Variants in GRIN2B observed in about 807,000 individuals in gnomAD.
The protein encoded by GRIN2B is glutamate ionotropic receptor NMDA type subunit 2B, also known as glutamate receptor ionotropic, NMDA 2B.
A neutral mutation model predicts 114.5 loss-of-function variants in GRIN2B; 5 were observed. The observed-to-expected ratio is 0.04, with a 90% confidence interval of 0.02 to 0.09. GRIN2B has a LOEUF of 0.09. Ranked by LOEUF, GRIN2B falls within the 10% of genes least tolerant of loss-of-function variation. The pLI, the probability that GRIN2B is intolerant of heterozygous loss-of-function variation, is 1.00. For missense variants in GRIN2B, 1,108 were observed against 1,943.5 expected, an observed-to-expected ratio of 0.57 and a Z score of 8.08; for synonymous variants, 787 against 745.1, an observed-to-expected ratio of 1.06 and a Z score of -0.92.
chr12:13,597,589 T>A (rs533394099), intron 10 of GRIN2B, among the ~76,000 whole-genome samples: 1 of 152,304 alleles, frequency 6.6e-6, no homozygotes, highest in Admixed American at 6.5e-5. Flanking sequence ...GGGTAGCCAA[T>A]AGGAACCTCA....
intron 3 of GRIN2B, among the ~76,000 whole-genome samples, chr12:13,787,977 G>T (rs1004380859): frequency 6.6e-6 from 1 of 152,158 alleles, no homozygotes; most frequent in South Asian, 2.1e-4. Context: ...ATTCTTCATA[G>T]CAGCCCCACG....
intron 2 of GRIN2B, among the ~76,000 whole-genome samples, chr12:13,890,788 G>A (rs956646819): frequency 6.6e-6 from 1 of 152,100 alleles, no homozygotes; most frequent in Admixed American, 6.5e-5. Flanking sequence ...CTGCAGTCTG[G>A]AAACAGTGTG....
intron 2 of GRIN2B, among the ~76,000 whole-genome samples, chr12:13,943,495 G>A (rs900127361): frequency 7.9e-5 from 12 of 152,054 alleles, no homozygotes; most frequent in Non-Finnish European, 1.8e-4. Flanking sequence ...TTTTGCCATG[G>A]CCTTCAAAGC....
At chr12:13,589,802 T>C (rs1948981281) in intron 10 of GRIN2B, among the ~76,000 whole-genome samples, 1 of 152,168 alleles carries the variant, frequency 6.6e-6, no homozygotes, top group Non-Finnish European at 1.5e-5. Context: ...ACAAGCTCTC[T>C]GGGCTGGGAA....
intron 5 of GRIN2B, among the ~76,000 whole-genome samples, chr12:13,660,727 G>T (rs1010538436): frequency 6.6e-6 from 1 of 152,186 alleles, no homozygotes; most frequent in African/African-American, 2.4e-5. Flanking sequence ...GCCAAAAAGA[G>T]ACTAAGCACT....
intron 5 of GRIN2B, among the ~76,000 whole-genome samples, chr12:13,661,224 G>A (rs1949919589): frequency 1.3e-5 from 2 of 152,066 alleles, no homozygotes; most frequent in South Asian, 4.1e-4. Context: ...GCCATTCCGG[G>A]TGTTCCTTCA....
chr12:13,969,835 G>A (rs73303083), intron 2 of GRIN2B, among the ~76,000 whole-genome samples: 1 of 152,126 alleles, frequency 6.6e-6, no homozygotes, highest in Non-Finnish European at 1.5e-5. Flanking sequence ...TTGTAAATGG[G>A]TACATAATAA....
rs55893904 is a variant in GRIN2B, at chr12:13,825,496, TTGTGTGTGTGTGTGTG to T, written c.411+40286_411+40301del. On this transcript the variant is annotated intron_variant, in intron 3 of 13. Coordinates refer to ENST00000609686, the MANE Select transcript of GRIN2B (RefSeq NM_000834.5). ...TATATATAATAAATATATATATATT[TTGTGTGTGTGTGTGTG>T]TGTGTGTGTGTGTGTGTGTGTATGA... Among the ~76,000 whole-genome samples, 82 of 122,968 alleles carry T rather than the reference TTGTGTGTGTGTGTGTG, an allele frequency of 6.7e-4. 1 individual carries two copies. In the East Asian group the frequency reaches 0.015, roughly 22 times the overall value. 80.7% of individuals were successfully genotyped at this position (122,968 alleles called of 152,430 possible). A position where few individuals can be genotyped will look rare whatever the true frequency, so the allele number is the denominator to read the frequency against.
At position 13,549,707 on chromosome 12, in the gene GRIN2B, TA is replaced by T. The variant is rs1948387015; in HGVS notation, c.*13075del. ...GCTACCTAAAAAAAATTTTTAATAATAAAAAATTATTCACAATATCTTACCC... is the reference window on the plus strand; with the variant it reads ...GCTACCTAAAAAAAATTTTTAATAATAAAAATTATTCACAATATCTTACCC... On this transcript the variant is annotated 3_prime_UTR_variant, in exon 14 of 14. Transcript: ENST00000609686. 6.6e-6 allele frequency: 1 copy of T among 152,150 alleles called. No individual in the cohort carries two copies. Among genetic ancestry groups the T allele is most frequent in the Non-Finnish European group, 1.5e-5 (1 of 68,022 alleles). The allele number at this position is 152,150 out of a possible 1,614,324, so 9.4% of individuals were successfully genotyped here.
intron 3 of GRIN2B, among the ~76,000 whole-genome samples, chr12:13,801,518 C>T (rs1360959470): frequency 6.6e-6 from 1 of 152,030 alleles, no homozygotes; most frequent in East Asian, 1.9e-4. Context: ...CCCAGTGGGG[C>T]CTGTAGAAAT....
chr12:13,673,453 G>A (rs1190722591), intron 5 of GRIN2B, among the ~76,000 whole-genome samples: 2 of 152,074 alleles, frequency 1.3e-5, no homozygotes, highest in African/African-American at 2.4e-5. Flanking sequence ...TTTGGGCAGA[G>A]AAGGAACATC....
At chr12:13,925,895 T>C (rs1217740601) in intron 2 of GRIN2B, among the ~76,000 whole-genome samples, 3 of 152,188 alleles carry the variant, frequency 2.0e-5, no homozygotes, top group Admixed American at 2.0e-4. Context: ...CCATTAACTC[T>C]TCTTTTCTCG....
chr12:13,658,020 A>G (rs1012595331), intron 5 of GRIN2B, among the ~76,000 whole-genome samples: 2 of 152,146 alleles, frequency 1.3e-5, no homozygotes, highest in African/African-American at 4.8e-5. Context: ...AGCCTGACCA[A>G]CATGGAGACA....
chr12:13,859,516 A>C (rs1019766968), intron 3 of GRIN2B, among the ~76,000 whole-genome samples: 1 of 152,212 alleles, frequency 6.6e-6, no homozygotes, highest in African/African-American at 2.4e-5. Flanking sequence ...AGTGCCTTAG[A>C]GAGCACTGCC....
chr12:13,871,555 GAAAAT>G (rs1446800133), intron 2 of GRIN2B, among the ~76,000 whole-genome samples: 2 of 151,578 alleles, frequency 1.3e-5, no homozygotes, highest in East Asian at 1.9e-4. Context: ...AAGAAACCAA[GAAAAT>G]AAAATATGAT....
In GRIN2B at chr12:13,979,943, C is replaced by T. The variant is rs934494360; in HGVS notation, c.-34G>A. On this transcript the variant is annotated 5_prime_UTR_variant, in exon 2 of 14. Coordinates refer to ENST00000609686, the MANE Select transcript of GRIN2B (RefSeq NM_000834.5). ...TTTGCCCTACCTTGGTTTGTAGAAG[C>T]CAAACCTCTAGACGGACAGATTAAG... 7 of 152,122 alleles carry T rather than the reference C, an allele frequency of 4.6e-5. No individual in the cohort carries two copies. The highest frequency in any genetic ancestry group is 1.7e-4 in the African/African-American group (7 of 41,412). 9.4% of individuals were successfully genotyped at this position (152,122 alleles called of 1,614,324 possible). A position where few individuals can be genotyped will look rare whatever the true frequency, so the allele number is the denominator to read the frequency against.
At chr12:13,622,859 T>G (rs1565480575) in intron 5 of GRIN2B, among the ~76,000 whole-genome samples, 1 of 152,218 alleles carries the variant, frequency 6.6e-6, no homozygotes, top group Non-Finnish European at 1.5e-5. Flanking sequence ...AGGACCTAAT[T>G]GCCTCTAAAA....
intron 4 of GRIN2B, among the ~76,000 whole-genome samples, chr12:13,724,351 A>G (rs550627985): frequency 1.3e-5 from 2 of 152,178 alleles, no homozygotes; most frequent in African/African-American, 2.4e-5. Flanking sequence ...ATCAGGAAGC[A>G]CATGTAGGAG....
intron 4 of GRIN2B, among the ~76,000 whole-genome samples, chr12:13,679,330 T>A (rs1591672329): frequency 1.3e-5 from 2 of 152,330 alleles, no homozygotes; most frequent in South Asian, 4.1e-4. Flanking sequence ...GGGGACAGCA[T>A]TGAATTAGGT....
Sources: allele counts gnomAD v4.1 joint callset (sites outside exome capture counted in the v4.1 genomes callset), GRCh38; gene constraint gnomAD v4.1.1; transcripts MANE v1.5; gene names NCBI Gene and HGNC (gene_info 2026-07-23, HGNC 2026-07-21).